The following LDB2 variants were observed in gnomAD, a reference collection of about 807,000 sequenced individuals.
LDB2 encodes the protein LIM domain binding 2, also known as LIM domain-binding protein 2.
A neutral mutation model predicts 44.3 loss-of-function variants in LDB2; 12 were observed. The observed-to-expected ratio is 0.27, with a 90% confidence interval of 0.17 to 0.44. The LOEUF is 0.44. LDB2 is among the 20% of genes least tolerant of loss of function. The pLI is 1.00. For missense variants in LDB2, 344 were observed against 473.5 expected (o/e 0.73, Z 2.54); for synonymous variants, 164 against 174.8 (o/e 0.94, Z 0.49).
chr4:16,626,240 C>A (rs1730253844), intron 2 of LDB2, among the ~76,000 whole-genome samples: 1 of 152,172 alleles, frequency 6.6e-6, no homozygotes. Context: ...AATTAGACAT[C>A]CAAACCACCT....
chr4:16,524,191 G>A (rs1727343170), intron 5 of LDB2, among the ~76,000 whole-genome samples: 5 of 152,132 alleles, frequency 3.3e-5, no homozygotes, highest in Admixed American at 3.3e-4. Context: ...TATTTATCAG[G>A]CACCTTCTAT....
At position 16,856,576 on chromosome 4, in the gene LDB2, G is replaced by A. The variant is rs112698186; in HGVS notation, c.132+41778C>T. On this transcript the variant is annotated intron_variant, in intron 1 of 7. Transcript: ENST00000304523. The stretch of plus-strand genomic sequence containing the variant: ...CTGCAACACAATAGCATCCATAGAG[G>A]GTATGTAAATGGATGGGCATAGCTG... 2.2e-4 allele frequency among the ~76,000 whole-genome samples: 34 copies of A among 151,952 alleles called. 2 individuals carry two copies. Among genetic ancestry groups the A allele is most frequent in the African/African-American group, 8.0e-4 (33 of 41,414 alleles).
intron 2 of LDB2, among the ~76,000 whole-genome samples, chr4:16,753,248 A>G (rs938495163): frequency 8.5e-5 from 13 of 152,228 alleles, no homozygotes; most frequent in Admixed American, 1.3e-4. Flanking sequence ...TAAATCATGT[A>G]TATAGCAAGC....
chr4:16,631,584 C>G (rs1731960623), intron 2 of LDB2, among the ~76,000 whole-genome samples: 1 of 151,970 alleles, frequency 6.6e-6, no homozygotes. Context: ...TAACTAAGAT[C>G]AGAGTAGAAC....
intron 2 of LDB2, among the ~76,000 whole-genome samples, chr4:16,628,574 T>C (rs1348684915): frequency 1.3e-5 from 2 of 152,290 alleles, no homozygotes; most frequent in East Asian, 3.9e-4. Flanking sequence ...TAAATCTTTT[T>C]TTTTTTTGTC....
At chr4:16,799,920 A>T (rs1777452063) in intron 1 of LDB2, among the ~76,000 whole-genome samples, 1 of 152,198 alleles carries the variant, frequency 6.6e-6, no homozygotes, top group South Asian at 2.1e-4. Flanking sequence ...CAGGCATCTC[A>T]TGTTTTTATT....
chr4:16,693,948 T>C (rs1751485707), intron 2 of LDB2, among the ~76,000 whole-genome samples: 2 of 152,162 alleles, frequency 1.3e-5, no homozygotes, highest in Admixed American at 1.3e-4. Flanking sequence ...TCCACTTCAT[T>C]ATATACAGAA....
At chr4:16,504,799 T>C (rs575265537) in intron 7 of LDB2, among the ~76,000 whole-genome samples, 12 of 152,316 alleles carry the variant, frequency 7.9e-5, no homozygotes, top group East Asian at 3.9e-4. Context: ...ATGACACTTA[T>C]GATCAAGAAC....
intron 2 of LDB2, among the ~76,000 whole-genome samples, chr4:16,630,708 A>C (rs1731684070): frequency 6.6e-6 from 1 of 152,220 alleles, no homozygotes; most frequent in African/African-American, 2.4e-5. Context: ...ACATTCAAAG[A>C]TGCACATAGG....
chr4:16,583,587 A>G (rs1215499396), intron 5 of LDB2, among the ~76,000 whole-genome samples: 1 of 152,228 alleles, frequency 6.6e-6, no homozygotes, highest in Non-Finnish European at 1.5e-5. Flanking sequence ...TAAGGCTACT[A>G]GAAGAATCTT....
Position 16,556,944 on chromosome 4 carries a change from A to G in LDB2, c.615+28978T>C, listed in dbSNP as rs906986348. ...AGAAAACCTAAATTAATCTTTTTTC[A>G]AGTAGATTTTTAAATAGTAAATCTA... On this transcript the variant is annotated intron_variant, in intron 5 of 7. Transcript: ENST00000304523. Among the ~76,000 whole-genome samples, 13 of 152,206 alleles carry G rather than the reference A, an allele frequency of 8.5e-5. 1 individual carries two copies. The highest frequency in any genetic ancestry group is 1.8e-4 in the Non-Finnish European group (12 of 68,038).
chr4:16,540,017 A>T (rs902726639), intron 5 of LDB2, among the ~76,000 whole-genome samples: 1 of 152,220 alleles, frequency 6.6e-6, no homozygotes, highest in Non-Finnish European at 1.5e-5. Context: ...ACTTATAATC[A>T]TGGCAGAAGG....
chr4:16,582,289 G>C lies in LDB2; in HGVS notation c.615+3633C>G, dbSNP rs148153975. Among the ~76,000 whole-genome samples the C allele has an allele frequency of 6.6e-6, 1 of 152,328 alleles. No homozygotes were observed. Among genetic ancestry groups the C allele is most frequent in the African/African-American group, 2.4e-5 (1 of 41,574 alleles). ...GAACAATGAATAAATGGGCAAACAG[G>C]ATCTGGTGGGAACTGACAAGGCTCC... On this transcript the variant is annotated intron_variant, in intron 5 of 7. Coordinates refer to ENST00000304523, the MANE Select transcript of LDB2 (RefSeq NM_001290.5). This position sits in a 1 kb window ranked among gnomAD's most constrained non-coding sequence, Gnocchi z 4.8.
intron 5 of LDB2, among the ~76,000 whole-genome samples, chr4:16,560,023 A>G (rs1426786407): frequency 6.6e-6 from 1 of 152,200 alleles, no homozygotes; most frequent in Non-Finnish European, 1.5e-5. Context: ...ACCAACCAGA[A>G]CAAAGACACA....
intron 2 of LDB2, among the ~76,000 whole-genome samples, chr4:16,692,827 T>C (rs1237610802): frequency 1.3e-5 from 2 of 152,208 alleles, no homozygotes; most frequent in African/African-American, 4.8e-5. Flanking sequence ...TTCTCACAGA[T>C]GCATATACTG....
Position 16,825,244 on chromosome 4 carries a change from C to A in LDB2, c.133-65984G>T, listed in dbSNP as rs560426801. On this transcript the variant is annotated intron_variant, in intron 1 of 7. Transcript: ENST00000304523. Reference sequence around the variant, plus strand: ...AGCTCCAATTATTCCTAATATGAATCCTCAGTGTGTCTAAATCTATAGGCC... The same window carrying A: ...AGCTCCAATTATTCCTAATATGAATACTCAGTGTGTCTAAATCTATAGGCC... Among the ~76,000 whole-genome samples the A allele has an allele frequency of 2.6e-5, 4 of 152,232 alleles. No individual in the cohort carries two copies. In the East Asian group the frequency reaches 7.7e-4, roughly 29 times the overall value.
intron 2 of LDB2, among the ~76,000 whole-genome samples, chr4:16,740,711 T>G (rs1332333912): frequency 6.6e-6 from 1 of 152,256 alleles, no homozygotes; most frequent in Non-Finnish European, 1.5e-5. Context: ...GAATATACAT[T>G]TTTCTTCTAT....
intron 1 of LDB2, among the ~76,000 whole-genome samples, chr4:16,798,230 T>C (rs182124972): frequency 7.4e-4 from 113 of 152,232 alleles, no homozygotes; most frequent in African/African-American, 2.6e-3. Context: ...GGGCTTTCCA[T>C]GTGTCCTTTC....
chr4:16,782,717 A>C (rs925208503), intron 1 of LDB2, among the ~76,000 whole-genome samples: 2 of 152,176 alleles, frequency 1.3e-5, no homozygotes, highest in Admixed American at 6.5e-5. Flanking sequence ...TTAGCATTTT[A>C]TTTATTCATT....
Sources: allele counts gnomAD v4.1 joint callset (sites outside exome capture counted in the v4.1 genomes callset), GRCh38; gene constraint gnomAD v4.1.1; non-coding constraint Gnocchi (gnomAD v3.1); transcripts MANE v1.5; gene names NCBI Gene and HGNC (gene_info 2026-07-23, HGNC 2026-07-21).